The following TRMT11 variants were observed in gnomAD, a reference collection of about 807,000 sequenced individuals.
TRMT11 encodes the protein tRNA methyltransferase 11, also known as tRNA (guanine(10)-N(2))-methyltransferase TRMT11.
Under a neutral mutation model 62.8 loss-of-function variants are expected in TRMT11, and 53 were observed. That is an observed-to-expected ratio of 0.84 (90% CI 0.68 to 1.06). The LOEUF (loss-of-function observed/expected upper bound fraction) is 1.06, where lower values mean the gene tolerates loss of function less well. Ranked by LOEUF, TRMT11 falls within the 50% of genes least tolerant of loss-of-function variation. The probability of loss-of-function intolerance (pLI) is 0.00; values close to 1 mark genes in which losing one functional copy is unlikely to be tolerated. For missense variants in TRMT11, 556 were observed against 553.4 expected, an observed-to-expected ratio of 1.00 and a Z score of -0.05; for synonymous variants, 188 against 190.3, an observed-to-expected ratio of 0.99 and a Z score of 0.10.
At chr6:126,186,012 C>T (rs933889042) in intron 1 of TRMT11, among the ~76,000 whole-genome samples, 15 of 152,104 alleles carry the variant, frequency 9.9e-5, no homozygotes, top group African/African-American at 3.4e-4. Flanking sequence ...AGATGAGATT[C>T]GGGTGGGGAC....
intron 16 of TRMT11, among the ~76,000 whole-genome samples, chr6:126,046,607 A>C (rs1437580759): frequency 1.3e-5 from 2 of 152,036 alleles, no homozygotes; most frequent in African/African-American, 4.8e-5. Flanking sequence ...ATGCTGGGGG[A>C]CTTTATAGGA....
At chr6:125,992,391 T>C (rs1042511356) in intron 1 of TRMT11, among the ~76,000 whole-genome samples, 2 of 152,224 alleles carry the variant, frequency 1.3e-5, no homozygotes, top group Non-Finnish European at 2.9e-5. Flanking sequence ...TACAATATGC[T>C]TTAATATAGA....
At chr6:126,149,811 T>G (rs1778017100) in intron 21 of TRMT11, among the ~76,000 whole-genome samples, 2 of 152,166 alleles carry the variant, frequency 1.3e-5, no homozygotes, top group Non-Finnish European at 2.9e-5. Flanking sequence ...ACTATACAAC[T>G]GAAGAATTTT....
At chr6:126,090,132 G>A (rs972179033) in intron 17 of TRMT11, among the ~76,000 whole-genome samples, 4 of 152,172 alleles carry the variant, frequency 2.6e-5, no homozygotes, top group Non-Finnish European at 5.9e-5. Flanking sequence ...TGCCCTGGGA[G>A]CCTAAACTTT....
At chr6:126,090,138 AC>A (rs1777257914) in intron 17 of TRMT11, among the ~76,000 whole-genome samples, 1 of 152,138 alleles carries the variant, frequency 6.6e-6, no homozygotes, top group Non-Finnish European at 1.5e-5. Flanking sequence ...GGGAGCCTAA[AC>A]TTTTCTTTGC....
intron 3 of TRMT11, among the ~76,000 whole-genome samples, chr6:126,200,805 A>G (rs1043438508): frequency 1.4e-4 from 21 of 152,106 alleles, no homozygotes; most frequent in African/African-American, 5.1e-4. Flanking sequence ...CGCCTGCCTT[A>G]GCCTCCCAAA....
At chr6:126,218,865 G>T in the TRMT11 span, among the ~76,000 whole-genome samples, 3 of 152,118 alleles carry the variant, frequency 2.0e-5, no homozygotes, top group Non-Finnish European at 4.4e-5. Context: ...ATGAGGCTTG[G>T]TAGAACTCAA....
chr6:125,995,973 T>G lies in TRMT11; in HGVS notation c.145T>G (p.Phe49Val). ...ATATTGTTATTTCTTTTAGTCACCA[T>G]TTTGGATTCTTAGCATTCCCTCTGA... Reference protein sequence around the residue: ...SSQETYGKSPFWILSIPSEDI... With the variant: ...SSQETYGKSPVWILSIPSEDI... The change falls in exon 3 of 13, where the codon TTT becomes GTT. Residue 49 changes from phenylalanine to valine, a missense_variant. Physicochemically the swap from Phe to Val is conservative, Grantham distance 50 (BLOSUM62 -1). Coordinates refer to ENST00000334379, the MANE Select transcript of TRMT11 (RefSeq NM_001031712.3). The G allele has an allele frequency of 6.2e-7, 1 of 1,604,314 alleles. No homozygotes were observed. Among genetic ancestry groups the G allele is most frequent in the Non-Finnish European group, 8.5e-7 (1 of 1,171,186 alleles).
chr6:126,089,260 C>T (rs1209956610), intron 17 of TRMT11, among the ~76,000 whole-genome samples: 3 of 151,868 alleles, frequency 2.0e-5, no homozygotes, highest in African/African-American at 4.8e-5. Flanking sequence ...ATTACAGGCG[C>T]CTGCCACCGT....
chr6:126,200,741 G>C (rs911903401), intron 3 of TRMT11, among the ~76,000 whole-genome samples: 1 of 152,108 alleles, frequency 6.6e-6, no homozygotes, highest in Non-Finnish European at 1.5e-5. Context: ...TTTTAGTAGA[G>C]ACAGGTTTTC....
intron 11 of TRMT11, among the ~76,000 whole-genome samples, chr6:126,020,503 T>G (rs1055032000): frequency 1.3e-5 from 2 of 152,220 alleles, no homozygotes; most frequent in African/African-American, 4.8e-5. Flanking sequence ...GTAGGACATG[T>G]GCTGTACAGT....
chr6:126,222,640 A>G, the TRMT11 span, among the ~76,000 whole-genome samples: 1 of 152,102 alleles, frequency 6.6e-6, no homozygotes, highest in African/African-American at 2.4e-5. Context: ...CTTTATTAGT[A>G]TATAGAAATG....
At chr6:126,147,704 GAA>G (rs1210418430) in intron 21 of TRMT11, among the ~76,000 whole-genome samples, 1 of 152,090 alleles carries the variant, frequency 6.6e-6, no homozygotes, top group Non-Finnish European at 1.5e-5. Flanking sequence ...GATTTAAAAA[GAA>G]GAGGAAATCA....
chr6:126,266,702 G>A, the TRMT11 span, among the ~76,000 whole-genome samples: 15 of 152,014 alleles, frequency 9.9e-5, no homozygotes, highest in African/African-American at 3.1e-4. Context: ...AGTCAATATC[G>A]TCTGGAACAT....
chr6:126,152,945 C>T (rs111728144), intron 21 of TRMT11, among the ~76,000 whole-genome samples: 3,399 of 152,194 alleles, frequency 0.022, 128 homozygotes, highest in African/African-American at 0.077. Flanking sequence ...GACCCGGAGT[C>T]TAAACCCATT....
chr6:126,000,526 G>A (rs1327289037), intron 7 of TRMT11, among the ~76,000 whole-genome samples: 1 of 152,150 alleles, frequency 6.6e-6, no homozygotes, highest in Non-Finnish European at 1.5e-5. Context: ...GAAAGGTGCA[G>A]TGACTTGGCC....
In TRMT11 at chr6:126,155,899, A is replaced by G. The variant is rs192302771; in HGVS notation, c.*1824-18926A>G. On this transcript the variant is annotated intron_variant and NMD_transcript_variant, in intron 21 of 22. Transcript: ENST00000648977. ...CCATGCCCGGGTAATTTTTTTTTTT[A>G]ATATTTTTAGTAGAGATGGGGTTTC... Among the ~76,000 whole-genome samples, 520 of 151,202 alleles carry G rather than the reference A, an allele frequency of 3.4e-3. 9 individuals carry two copies. Among genetic ancestry groups the G allele is most frequent in the Non-Finnish European group, 1.3e-3 (90 of 67,758 alleles).
At chr6:126,112,893 A>G (rs1777548326) in exon 18 of TRMT11, among the ~76,000 whole-genome samples, 2 of 151,874 alleles carry the variant, frequency 1.3e-5, no homozygotes, top group Non-Finnish European at 2.9e-5. Context: ...TCCTTGAATC[A>G]GTTTATCCCA....
chr6:126,070,702 CAA>C (rs1776826575), intron 17 of TRMT11, among the ~76,000 whole-genome samples: 1 of 152,150 alleles, frequency 6.6e-6, no homozygotes, highest in Admixed American at 6.6e-5. Flanking sequence ...GCAATAATGA[CAA>C]TATAATAGCA....
Sources: gnomAD v4.1 joint callset for allele counts (sites outside exome capture counted in the v4.1 genomes callset) on GRCh38, gnomAD v4.1.1 for gene constraint, MANE v1.5 for transcripts, NCBI Gene and HGNC (gene_info 2026-07-23, HGNC 2026-07-21) for gene names.